The following VPS13B variants were observed in gnomAD, a reference collection of about 807,000 sequenced individuals.
The protein encoded by VPS13B is intermembrane lipid transfer protein VPS13B.
In VPS13B, 285 loss-of-function variants were observed where a neutral mutation model predicts 426.4. That is an observed-to-expected ratio of 0.67 (90% CI 0.61 to 0.74). VPS13B has a LOEUF of 0.74. Ranked by LOEUF, VPS13B falls within the 30% of genes least tolerant of loss-of-function variation. The probability of loss-of-function intolerance (pLI) is 0.00; values close to 1 mark genes in which losing one functional copy is unlikely to be tolerated. For synonymous variants in VPS13B, 1,676 were observed against 1,676.4 expected (o/e 1.00, Z 0.01); for missense variants, 4,537 against 4,782.6 (o/e 0.95, Z 1.51).
At chr8:99,618,678 T>A (rs1261475318) in intron 33 of VPS13B, among the ~76,000 whole-genome samples, 1 of 152,184 alleles carries the variant, frequency 6.6e-6, no homozygotes, top group African/African-American at 2.4e-5. Flanking sequence ...TTCCACAGAT[T>A]ATCTGGTATT....
At chr8:99,678,144 T>G (rs1459991694) in intron 35 of VPS13B, among the ~76,000 whole-genome samples, 2 of 152,230 alleles carry the variant, frequency 1.3e-5, no homozygotes, top group Admixed American at 6.5e-5. Flanking sequence ...CCTTGCTCAC[T>G]TCTTCCTTTA....
chr8:99,120,178 T>G (rs896446470), intron 7 of VPS13B: 6 of 152,048 alleles, frequency 3.9e-5, no homozygotes, highest in African/African-American at 1.5e-4. Context: ...CAGGTTTAAG[T>G]CACCGATCCT....
At chr8:99,503,014 C>CTT (rs1265317846) in intron 27 of VPS13B, 64 bp downstream of exon 27, 1 of 1,247,432 alleles carries the variant, frequency 8.0e-7, no homozygotes, top group African/African-American at 1.5e-5. Context: ...TACCATAAGA[C>CTT]TTTTTCTATT....
chr8:99,358,332 T>G (rs1812303276), intron 19 of VPS13B, among the ~76,000 whole-genome samples: 1 of 152,220 alleles, frequency 6.6e-6, no homozygotes, highest in African/African-American at 2.4e-5. Flanking sequence ...TTCATAATAC[T>G]GGACTATTTA....
At chr8:99,468,428 T>C (rs1819226031) in intron 24 of VPS13B, among the ~76,000 whole-genome samples, 1 of 152,052 alleles carries the variant, frequency 6.6e-6, no homozygotes, top group Admixed American at 6.6e-5. Flanking sequence ...GAAATCTTTT[T>C]CTTTTTAAAA....
intron 14 of VPS13B, 61 bp downstream of exon 14, chr8:99,148,071 T>TTTTTTTTTCC: frequency 1.5e-6 from 2 of 1,362,434 alleles, no homozygotes; most frequent in South Asian, 1.2e-5. Flanking sequence ...TTTTTTTTTT[T>TTTTTTTTTCC]GTCATTTACT....
chr8:99,848,955 C>G (rs750718147), intron 55 of VPS13B, 61 bp downstream of exon 55: 28 of 1,462,974 alleles, frequency 1.9e-5, no homozygotes, highest in Non-Finnish European at 2.6e-5. Flanking sequence ...AAGTTGTAAA[C>G]TTAGTATTTA....
rs1057516633 is a variant in VPS13B at position 99,642,105 on chromosome 8, C to T, written c.5515C>T (p.Gln1839Ter). The change falls in exon 34 of 62, where the codon CAG (glutamine) becomes TAG (stop). Residue 1839 changes from glutamine to a stop codon, truncating the protein, a stop_gained. Coordinates refer to ENST00000357162, the MANE Select transcript of VPS13B (RefSeq NM_152564.5). LOFTEE classifies it high-confidence loss of function. ...MALSKSKSQE[Q>*]KNNEKTDKSS... ...CTTATCCAAATCGAAATCACAAGAA[C>T]AGAAGAATAATGAAAAAACAGACAA... The T allele has an allele frequency of 3.1e-6, 5 of 1,614,078 alleles. No homozygotes were observed. The South Asian group carries it at 4.4e-5, about 14-fold the overall frequency.
intron 33 of VPS13B, among the ~76,000 whole-genome samples, chr8:99,636,375 C>T (rs1333802051): frequency 6.6e-6 from 1 of 151,822 alleles, no homozygotes; most frequent in African/African-American, 2.4e-5. Context: ...TGTATTTTTT[C>T]ATTTTATTTT....
intron 16 of VPS13B, among the ~76,000 whole-genome samples, chr8:99,178,253 C>T (rs1812747620): frequency 6.6e-6 from 1 of 151,836 alleles, no homozygotes; most frequent in Non-Finnish European, 1.5e-5. Flanking sequence ...GTGCGCTGCA[C>T]CCACTAATGT....
intron 3 of VPS13B, among the ~76,000 whole-genome samples, chr8:99,067,516 A>G (rs889033120): frequency 1.3e-5 from 2 of 152,082 alleles, no homozygotes; most frequent in African/African-American, 4.8e-5. Context: ...AGGGGGAGGG[A>G]TAGCATTAGG....
chr8:99,868,027 G>C (rs1271291787), intron 58 of VPS13B: 6 of 432,680 alleles, frequency 1.4e-5, no homozygotes, highest in Non-Finnish European at 2.2e-5. Context: ...TAGCCTGACA[G>C]GTTTGTTAAA....
chr8:99,666,343 G>A (rs1830485332), intron 35 of VPS13B, among the ~76,000 whole-genome samples: 1 of 152,150 alleles, frequency 6.6e-6, no homozygotes, highest in Admixed American at 6.6e-5. Flanking sequence ...AAGCCTGGCA[G>A]AGACACAACC....
chr8:99,705,508 AT>A (rs1356371134), intron 36 of VPS13B, among the ~76,000 whole-genome samples: 12 of 152,138 alleles, frequency 7.9e-5, no homozygotes, highest in South Asian at 6.2e-4. Context: ...CTTAGAAAAG[AT>A]TTTTTTGACA....
intron 23 of VPS13B, among the ~76,000 whole-genome samples, chr8:99,467,009 CAT>C (rs1314728992): frequency 4.6e-5 from 7 of 152,070 alleles, no homozygotes; most frequent in African/African-American, 1.7e-4. Context: ...GCAACAGAAA[CAT>C]ATTGTCTCAA....
chr8:99,224,457 C>T (rs1353503626), intron 17 of VPS13B, among the ~76,000 whole-genome samples: 3 of 152,012 alleles, frequency 2.0e-5, no homozygotes, highest in Admixed American at 6.6e-5. Flanking sequence ...TAGGAATGCA[C>T]ATTTTAGGAT....
intron 19 of VPS13B, among the ~76,000 whole-genome samples, chr8:99,296,279 T>G (rs1820037542): frequency 6.6e-6 from 1 of 152,158 alleles, no homozygotes; most frequent in African/African-American, 2.4e-5. Flanking sequence ...GGCAAGGATG[T>G]GAAGAGCATT....
intron 54 of VPS13B, among the ~76,000 whole-genome samples, chr8:99,842,175 A>T (rs1815728109): frequency 6.6e-6 from 1 of 152,244 alleles, no homozygotes; most frequent in African/African-American, 2.4e-5. Flanking sequence ...ATGGGAGATG[A>T]TATTTTTTGT....
intron 31 of VPS13B, among the ~76,000 whole-genome samples, chr8:99,565,901 C>A (rs1825154100): frequency 6.6e-6 from 1 of 152,154 alleles, no homozygotes; most frequent in African/African-American, 2.4e-5. Context: ...AATTCTCATA[C>A]TTTGTAGGTT....
Sources: allele counts gnomAD v4.1 joint callset (sites outside exome capture counted in the v4.1 genomes callset), GRCh38; gene constraint gnomAD v4.1.1; transcripts MANE v1.5; gene names NCBI Gene and HGNC (gene_info 2026-07-23, HGNC 2026-07-21).